The following BIVM variants were observed in gnomAD, a reference collection of about 807,000 sequenced individuals.
The protein encoded by BIVM is basic, immunoglobulin-like variable motif containing, also known as basic immunoglobulin-like variable motif-containing protein.
A neutral mutation model predicts 61.4 loss-of-function variants in BIVM; 31 were observed. The ratio of observed to expected loss-of-function variants is 0.51; its 90% CI spans 0.38 to 0.68. The LOEUF (loss-of-function observed/expected upper bound fraction) is 0.68, where lower values mean the gene tolerates loss of function less well. BIVM is among the 30% of genes least tolerant of loss of function. The pLI, the probability that BIVM is intolerant of heterozygous loss-of-function variation, is 0.00. For synonymous variants in BIVM, 189 were observed against 210.7 expected (o/e 0.90, Z 0.89); for missense variants, 526 against 596.0 (o/e 0.88, Z 1.22).
intron 7 of BIVM, among the ~76,000 whole-genome samples, chr13:102,825,317 T>C (rs1423249656): frequency 6.6e-6 from 1 of 152,016 alleles, no homozygotes; most frequent in Non-Finnish European, 1.5e-5. Flanking sequence ...AGGCTAGTCT[T>C]GAACTCCTGG....
intron 7 of BIVM, among the ~76,000 whole-genome samples, chr13:102,827,830 G>A (rs191791004): frequency 2.6e-5 from 4 of 152,264 alleles, no homozygotes; most frequent in African/African-American, 9.6e-5. Context: ...GTATTCAGGC[G>A]GTAGGGTGGT....
At chr13:102,814,213 G>A (rs1222574953) in intron 3 of BIVM, among the ~76,000 whole-genome samples, 5 of 152,152 alleles carry the variant, frequency 3.3e-5, no homozygotes, top group African/African-American at 1.2e-4. Flanking sequence ...TCTTGAAGCT[G>A]ATGTGATGGA....
chr13:102,830,787 C>T (rs1881011258), intron 7 of BIVM, among the ~76,000 whole-genome samples: 1 of 152,172 alleles, frequency 6.6e-6, no homozygotes, highest in Admixed American at 6.5e-5. Flanking sequence ...AAAAACTCAG[C>T]AAAGCGAGAA....
chr13:102,827,604 A>G (rs1207794840), intron 7 of BIVM, among the ~76,000 whole-genome samples: 2 of 152,086 alleles, frequency 1.3e-5, no homozygotes, highest in Non-Finnish European at 2.9e-5. Flanking sequence ...CATCTCTGAT[A>G]TGTTCCTTGG....
intron 3 of BIVM, among the ~76,000 whole-genome samples, chr13:102,808,944 A>T (rs1879294722): frequency 6.6e-6 from 1 of 152,098 alleles, no homozygotes; most frequent in Non-Finnish European, 1.5e-5. Context: ...AAAACTGATC[A>T]ATCTAGCTAG....
intron 3 of BIVM, among the ~76,000 whole-genome samples, chr13:102,809,699 G>T (rs769548629): frequency 2.6e-5 from 4 of 151,894 alleles, no homozygotes; most frequent in Non-Finnish European, 4.4e-5. Context: ...ATTTTTACGT[G>T]TACAGTTTAG....
Position 102,831,662 on chromosome 13 carries a change from C to T in BIVM, c.999C>T (p.Phe333=), listed in dbSNP as rs777565729. The T allele has an allele frequency of 6.6e-5, 106 of 1,613,870 alleles. No homozygotes were observed. Among genetic ancestry groups the T allele is most frequent in the South Asian group, 3.2e-4 (29 of 91,070 alleles). ...CQNHYFCPIG[F]EATPVKANKA... ...ATCATTATTTTTGTCCAATTGGCTT[C>T]GAAGCAACCCCTGTTAAAGCTAATA... The change falls in exon 8 of 11, where the codon TTC becomes TTT. Residue 333 remains phenylalanine, a synonymous_variant. Transcript: ENST00000257336.
At chr13:102,809,090 A>AG (rs1879306401) in intron 3 of BIVM, among the ~76,000 whole-genome samples, 1 of 151,194 alleles carries the variant, frequency 6.6e-6, no homozygotes, top group African/African-American at 2.4e-5. Context: ...TTTGTTCTTC[A>AG]TTTTCTGACT....
chr13:102,826,721 T>G (rs1880698193), intron 7 of BIVM, among the ~76,000 whole-genome samples: 1 of 152,208 alleles, frequency 6.6e-6, no homozygotes, highest in African/African-American at 2.4e-5. Flanking sequence ...ACTTGTTTTC[T>G]TTTTGCCTGC....
intron 4 of BIVM, chr13:102,816,953 A>G (rs1879908833): frequency 6.6e-6 from 1 of 152,434 alleles, no homozygotes; most frequent in Admixed American, 6.5e-5. Flanking sequence ...CTACTTAACC[A>G]CAATACTTTT....
At chr13:102,825,024 G>A (rs561785713) in intron 7 of BIVM, among the ~76,000 whole-genome samples, 1 of 152,002 alleles carries the variant, frequency 6.6e-6, no homozygotes, top group East Asian at 1.9e-4. Context: ...CTCACTGCAA[G>A]CTCCACCTGC....
At chr13:102,812,603 G>C (rs1032714948) in intron 3 of BIVM, among the ~76,000 whole-genome samples, 2 of 152,154 alleles carry the variant, frequency 1.3e-5, no homozygotes, top group African/African-American at 2.4e-5. Flanking sequence ...GCTTCTCAGG[G>C]AAAAGCCCCT....
intron 3 of BIVM, among the ~76,000 whole-genome samples, chr13:102,811,205 C>G (rs1401457836): frequency 6.6e-6 from 1 of 152,188 alleles, no homozygotes; most frequent in African/African-American, 2.4e-5. Context: ...GAGGTACTAG[C>G]TAATGTCCTT....
In BIVM at chr13:102,840,559, C is replaced by A. The variant is rs1246264103; in HGVS notation, c.*694C>A. The A allele has an allele frequency of 6.6e-6, 1 of 152,156 alleles. No homozygotes were observed. The highest frequency in any genetic ancestry group is 1.5e-5 in the Non-Finnish European group (1 of 68,160). The allele number at this position is 152,156 out of a possible 1,614,324, so 9.4% of individuals were successfully genotyped here. On this transcript the variant is annotated 3_prime_UTR_variant, in exon 11 of 11. Coordinates refer to ENST00000257336, the MANE Select transcript of BIVM (RefSeq NM_017693.4). ...ATTAGCCGGGTGTAGTGGTGGGCAC[C>A]TGTAGTCCTAGCTACTCGAGAGGCT... is the stretch of plus-strand genomic sequence containing the variant.
chr13:102,836,456 A>T (rs370599190), intron 9 of BIVM, among the ~76,000 whole-genome samples: 1 of 152,208 alleles, frequency 6.6e-6, no homozygotes, highest in Admixed American at 6.5e-5. Flanking sequence ...GAGACCACAG[A>T]TGTGTGCCCC....
chr13:102,820,275 A>G (rs1880161809), intron 4 of BIVM: 1 of 148,210 alleles, frequency 6.7e-6, no homozygotes, highest in Non-Finnish European at 1.5e-5. Context: ...TTGCTTGAAC[A>G]CGGGAGGTGG....
At chr13:102,837,268 A>G (rs937570886) in intron 9 of BIVM, among the ~76,000 whole-genome samples, 1 of 152,012 alleles carries the variant, frequency 6.6e-6, no homozygotes, top group African/African-American at 2.4e-5. Flanking sequence ...ATAAGGTGAG[A>G]CCCTGTCTCA....
At chr13:102,839,541 T>C (rs1484187648) in intron 10 of BIVM, 31 bp from the exon 11 acceptor site, 1 of 1,607,318 alleles carries the variant, frequency 6.2e-7, no homozygotes. Context: ...TTTCCCTTTA[T>C]TTTCTTCAGC....
At chr13:102,820,119 C>T (rs1427727078) in intron 4 of BIVM, among the ~76,000 whole-genome samples, 3 of 152,060 alleles carry the variant, frequency 2.0e-5, no homozygotes, top group African/African-American at 7.2e-5. Flanking sequence ...CTTTGGGAGG[C>T]TGAGGTGGAA....
Sources: allele counts gnomAD v4.1 joint callset (sites outside exome capture counted in the v4.1 genomes callset), GRCh38; gene constraint gnomAD v4.1.1; transcripts MANE v1.5; gene names NCBI Gene and HGNC (gene_info 2026-07-23, HGNC 2026-07-21).